Variants in MAGI3 observed in about 807,000 individuals in gnomAD.
MAGI3 encodes membrane-associated guanylate kinase, WW and PDZ domain-containing protein 3.
A neutral mutation model predicts 121.8 loss-of-function variants in MAGI3; 43 were observed. The observed-to-expected ratio is 0.35, with a 90% CI of 0.28 to 0.46. The LOEUF is 0.46. MAGI3 is among the 20% of genes least tolerant of loss of function. The pLI is 1.00. For missense variants in MAGI3, 1,547 were observed against 1,797.3 expected, an observed-to-expected ratio of 0.86 and a Z score of 2.52; for synonymous variants, 553 against 639.3, an observed-to-expected ratio of 0.86 and a Z score of 2.04.
At chr1:113,406,312 G>A (rs1183688521) in intron 1 of MAGI3, among the ~76,000 whole-genome samples, 1 of 150,708 alleles carries the variant, frequency 6.6e-6, no homozygotes, top group Admixed American at 6.6e-5. Flanking sequence ...GCCGGGTGTG[G>A]TGGCACGTGC....
intron 16 of MAGI3, among the ~76,000 whole-genome samples, chr1:113,660,686 C>T (rs1653736276): frequency 6.7e-6 from 1 of 149,932 alleles, no homozygotes; most frequent in African/African-American, 2.5e-5. Flanking sequence ...ACAGTCCTGG[C>T]TCGCTGCAGT....
At chr1:113,647,284 A>G (rs920483048) in intron 12 of MAGI3, among the ~76,000 whole-genome samples, 4 of 152,230 alleles carry the variant, frequency 2.6e-5, no homozygotes, top group South Asian at 2.1e-4. Flanking sequence ...AGGAAGGCCA[A>G]TGATGCCCTT....
At chr1:113,665,128 T>C (rs950711036) in intron 16 of MAGI3, among the ~76,000 whole-genome samples, 2 of 152,192 alleles carry the variant, frequency 1.3e-5, no homozygotes, top group African/African-American at 2.4e-5. Context: ...TTGATTTTTG[T>C]ACTTAGGTCT....
At chr1:113,496,839 G>C (rs1656940606) in intron 1 of MAGI3, among the ~76,000 whole-genome samples, 1 of 152,164 alleles carries the variant, frequency 6.6e-6, no homozygotes, top group Non-Finnish European at 1.5e-5. Context: ...TAAAGTAATT[G>C]TTATCTAGGC....
intron 1 of MAGI3, among the ~76,000 whole-genome samples, chr1:113,526,899 G>A (rs78377871): frequency 6.6e-6 from 1 of 152,144 alleles, no homozygotes; most frequent in Non-Finnish European, 1.5e-5. Context: ...AGACATCTGG[G>A]TTCAAGTCCT....
intron 2 of MAGI3, among the ~76,000 whole-genome samples, chr1:113,558,510 A>T (rs1660089895): frequency 6.6e-6 from 1 of 152,190 alleles, no homozygotes; most frequent in Non-Finnish European, 1.5e-5. Flanking sequence ...AGAATAAAGA[A>T]AAAAGAATGA....
At chr1:113,661,966 A>G (rs996011349) in intron 16 of MAGI3, among the ~76,000 whole-genome samples, 1 of 152,208 alleles carries the variant, frequency 6.6e-6, no homozygotes, top group African/African-American at 2.4e-5. Context: ...TCATTCATGG[A>G]GTTTGTAAGC....
intron 1 of MAGI3, among the ~76,000 whole-genome samples, chr1:113,487,969 A>G (rs185393161): frequency 9.9e-5 from 15 of 152,224 alleles, no homozygotes; most frequent in African/African-American, 3.4e-4. Flanking sequence ...GGAACAAGCA[A>G]CTGTAGAAAT....
At chr1:113,423,581 G>A (rs1652844649) in intron 1 of MAGI3, among the ~76,000 whole-genome samples, 1 of 152,098 alleles carries the variant, frequency 6.6e-6, no homozygotes, top group African/African-American at 2.4e-5. Flanking sequence ...GAGTCTGGGG[G>A]TTTTTATAGG....
rs950261904 is a variant in MAGI3 at position 113,517,055 on chromosome 1, G to A, written c.317-32460G>A. 4.0e-5 allele frequency among the ~76,000 whole-genome samples: 6 copies of A among 151,792 alleles called. 1 individual carries two copies. Among genetic ancestry groups the A allele is most frequent in the Admixed American group, 2.0e-4 (3 of 15,206 alleles). On this transcript the variant is annotated intron_variant, in intron 1 of 20. Coordinates refer to ENST00000307546, the MANE Select transcript of MAGI3 (RefSeq NM_001142782.2). The stretch of plus-strand genomic sequence containing the variant: ...AGTCTAAGAAACTGTCACAGATAAG[G>A]GAAGCCTAAGGAAATATGACAAGTA...
At chr1:113,668,084 C>T (rs1647268866) in intron 16 of MAGI3, among the ~76,000 whole-genome samples, 1 of 152,032 alleles carries the variant, frequency 6.6e-6, no homozygotes, top group Non-Finnish European at 1.5e-5. Flanking sequence ...GACCACAGAT[C>T]ACCATAACAG....
chr1:113,425,872 CTTT>C (rs1265032114), intron 1 of MAGI3, among the ~76,000 whole-genome samples: 1 of 152,034 alleles, frequency 6.6e-6, no homozygotes, highest in Non-Finnish European at 1.5e-5. Flanking sequence ...AAAGAACCAG[CTTT>C]TTGTTTAATT....
chr1:113,439,982 T>C (rs1395028234), intron 1 of MAGI3, among the ~76,000 whole-genome samples: 1 of 152,194 alleles, frequency 6.6e-6, no homozygotes, highest in African/African-American at 2.4e-5. Flanking sequence ...TCTTGTGTAA[T>C]GTAAAGAACA....
chr1:113,557,974 A>G (rs1660068896), intron 2 of MAGI3, among the ~76,000 whole-genome samples: 1 of 152,138 alleles, frequency 6.6e-6, no homozygotes, highest in Non-Finnish European at 1.5e-5. Flanking sequence ...GCCCTGCAGA[A>G]GAGTGGCCAG....
chr1:113,684,182 C>A lies in MAGI3; in HGVS notation c.*168C>A. 1.4e-6 allele frequency: 1 copy of A among 713,016 alleles called. No homozygotes were observed. The allele number at this position is 713,016 out of a possible 1,614,324, so 44.2% of individuals were successfully genotyped here. On this transcript the variant is annotated 3_prime_UTR_variant, in exon 21 of 21. Transcript: ENST00000307546. ...GAAGGGCCTTTAGGATTGCTAAGAACCAACTGTCCCCCTGGCCGGCTGCCC... is the reference window on the plus strand; with the variant it reads ...GAAGGGCCTTTAGGATTGCTAAGAAACAACTGTCCCCCTGGCCGGCTGCCC...
In MAGI3 at chr1:113,527,374, G is replaced by C. The variant is rs556677075; in HGVS notation, c.317-22141G>C. Among the ~76,000 whole-genome samples, 4 of 152,268 alleles carry C rather than the reference G, an allele frequency of 2.6e-5. No homozygotes were observed. The South Asian group carries it at 8.3e-4, about 32-fold the overall frequency. On this transcript the variant is annotated intron_variant, in intron 1 of 20. Transcript: ENST00000307546. The stretch of plus-strand genomic sequence containing the variant: ...GAGAAAGAGTTGAGGATATCAGTTT[G>C]AAAATTACTAGAATATAGGTGATAA...
At chr1:113,634,067 A>G (rs1271712807) in intron 9 of MAGI3, among the ~76,000 whole-genome samples, 1 of 151,878 alleles carries the variant, frequency 6.6e-6, no homozygotes, top group African/African-American at 2.4e-5. Context: ...TCCTTCGCCC[A>G]CTTTTTGATG....
chr1:113,472,624 G>C (rs959950808), intron 1 of MAGI3, among the ~76,000 whole-genome samples: 3 of 149,876 alleles, frequency 2.0e-5, no homozygotes, highest in African/African-American at 7.4e-5. Flanking sequence ...GATATGCTCT[G>C]ATTCCTTCTT....
At chr1:113,476,046 T>C (rs947998549) in intron 1 of MAGI3, among the ~76,000 whole-genome samples, 2 of 152,246 alleles carry the variant, frequency 1.3e-5, no homozygotes, top group African/African-American at 4.8e-5. Flanking sequence ...TGATGGTAGT[T>C]TGTATTTCTG....
Sources: gnomAD v4.1 joint callset for allele counts (sites outside exome capture counted in the v4.1 genomes callset) on GRCh38, gnomAD v4.1.1 for gene constraint, MANE v1.5 for transcripts, NCBI Gene and HGNC (gene_info 2026-07-23, HGNC 2026-07-21) for gene names.